Variants in CACNA2D4 observed in about 807,000 individuals in gnomAD.
The protein encoded by CACNA2D4 is voltage-dependent calcium channel subunit alpha-2/delta-4.
CACNA2D4 carries 157 observed loss-of-function variants against 163.8 expected under a neutral mutation model. The observed-to-expected ratio is 0.96, with a 90% CI of 0.84 to 1.09. CACNA2D4 has a LOEUF of 1.09. Among genes scored for constraint, CACNA2D4 ranks in the 50% least tolerant of loss-of-function variants. The probability of loss-of-function intolerance (pLI) is 0.00; values close to 1 mark genes in which losing one functional copy is unlikely to be tolerated. For missense variants in CACNA2D4, 1,410 were observed against 1,479.9 expected (o/e 0.95, Z 0.78); for synonymous variants, 598 against 586.9 (o/e 1.02, Z -0.27).
intron 29 of CACNA2D4, 26 bp downstream of exon 29, chr12:1,810,252 C>T (rs550156732): frequency 1.8e-5 from 28 of 1,595,066 alleles, no homozygotes; most frequent in Non-Finnish European, 2.3e-5. Context: ...CCCTCTCCCC[C>T]TCATTCTATA....
intron 23 of CACNA2D4, among the ~76,000 whole-genome samples, chr12:1,853,629 A>C (rs1166407502): frequency 6.6e-6 from 1 of 152,172 alleles, no homozygotes; most frequent in Non-Finnish European, 1.5e-5. Context: ...AGGATTTCTA[A>C]GGGGCTGGGA....
intron 4 of CACNA2D4, among the ~76,000 whole-genome samples, chr12:1,908,656 G>A (rs1159147548): frequency 6.7e-6 from 1 of 149,570 alleles, no homozygotes; most frequent in Non-Finnish European, 1.5e-5. Context: ...ACTGCCTCAC[G>A]GACATCCCCA....
rs893656659 is a variant in CACNA2D4, at chr12:1,860,016, T to C, written c.1940+129A>G. 1.1e-4 allele frequency: 79 copies of C among 711,674 alleles called. 2 individuals carry two copies. The highest frequency in any genetic ancestry group is 1.7e-5 in the South Asian group (1 of 57,618). 44.1% of individuals were successfully genotyped at this position (711,674 alleles called of 1,614,324 possible). A position where few individuals can be genotyped will look rare whatever the true frequency, so the allele number is the denominator to read the frequency against. On this transcript the variant is annotated intron_variant, in intron 19 of 37. Coordinates refer to ENST00000382722, the MANE Select transcript of CACNA2D4 (RefSeq NM_172364.5). ...TTCTAGGCTACACTGGCAAAGCAGG[T>C]CTACACCTCAAGTTTCCTGGATGCT...
chr12:1,794,155 G>A (rs148206308), intron 37 of CACNA2D4, among the ~76,000 whole-genome samples: 11 of 152,230 alleles, frequency 7.2e-5, no homozygotes, highest in East Asian at 1.9e-4. Flanking sequence ...TCCACGTGAC[G>A]GCCCCCTCAC....
intron 27 of CACNA2D4, among the ~76,000 whole-genome samples, chr12:1,811,294 G>A (rs945463635): frequency 2.0e-5 from 3 of 152,234 alleles, no homozygotes; most frequent in Non-Finnish European, 2.9e-5. Context: ...GCAGAGCTGG[G>A]AATTCTCAGC....
rs1864735381 is a variant in CACNA2D4, at chr12:1,833,822, C to G, written c.2551+6917G>C. Among the ~76,000 whole-genome samples the G allele has an allele frequency of 6.6e-6, 1 of 152,136 alleles. No individual in the cohort carries two copies. Among genetic ancestry groups the G allele is most frequent in the Non-Finnish European group, 1.5e-5 (1 of 68,026 alleles). ...AAGATGCTGTGTTGAGAACGGTATC[C>G]TGGGCTCACAGACAGGTGATGAGCA... is the stretch of plus-strand genomic sequence containing the variant. On this transcript the variant is annotated intron_variant, in intron 26 of 37. Coordinates refer to ENST00000382722, the MANE Select transcript of CACNA2D4 (RefSeq NM_172364.5). The surrounding 1 kb of genome is among the most constrained non-coding windows in gnomAD (Gnocchi z 4.2).
At chr12:1,904,472 C>T (rs1212158310) in intron 6 of CACNA2D4, among the ~76,000 whole-genome samples, 1 of 151,840 alleles carries the variant, frequency 6.6e-6, no homozygotes, top group African/African-American at 2.4e-5. Context: ...CAAAATATCT[C>T]ATATACCCCA....
At chr12:1,884,633 G>A (rs1366666764) in intron 11 of CACNA2D4, 135 bp downstream of exon 11, 1 of 659,268 alleles carries the variant, frequency 1.5e-6, no homozygotes, top group Non-Finnish European at 2.7e-6. Context: ...CAATTAAAAT[G>A]CATCTGAAAG....
At chr12:1,890,040 G>C (rs57768805) in intron 6 of CACNA2D4, among the ~76,000 whole-genome samples, 1 of 152,254 alleles carries the variant, frequency 6.6e-6, no homozygotes, top group East Asian at 1.9e-4. Context: ...AGGATTGGCT[G>C]GGAGCCTCTC....
intron 18 of CACNA2D4, among the ~76,000 whole-genome samples, chr12:1,871,574 T>C (rs961097978): frequency 6.6e-6 from 1 of 151,256 alleles, no homozygotes. Context: ...TGTGTGTACG[T>C]GTGTGTTGCT....
At chr12:1,807,264 G>A (rs1216026200) in intron 29 of CACNA2D4, among the ~76,000 whole-genome samples, 2 of 151,606 alleles carry the variant, frequency 1.3e-5, no homozygotes, top group Non-Finnish European at 2.9e-5. Flanking sequence ...AGCCCTGGAG[G>A]ACCTCAATGC....
chr12:1,866,589 A>G (rs963692152), intron 18 of CACNA2D4, among the ~76,000 whole-genome samples: 1 of 152,178 alleles, frequency 6.6e-6, no homozygotes, highest in African/African-American at 2.4e-5. Flanking sequence ...ATAATAATGA[A>G]ACCTCTGTTT....
In CACNA2D4 at chr12:1,846,690, C is replaced by T. The variant is rs377323654; in HGVS notation, c.2247-1G>A. 5 of 1,593,128 alleles carry T rather than the reference C, an allele frequency of 3.1e-6. No individual in the cohort carries two copies. The highest frequency in any genetic ancestry group is 4.3e-6 in the Non-Finnish European group (5 of 1,172,570). ...CATGTCCACCACGTGTTCAGACTCC[C>T]TGTGTGGCAGACAGAGCGGGAATGG... On this transcript the variant is annotated splice_acceptor_variant, in intron 23 of 37. Transcript: ENST00000382722. LOFTEE classifies it high-confidence loss of function.
intron 26 of CACNA2D4, chr12:1,831,383 C>T (rs532664835): frequency 3.1e-6 from 5 of 1,613,976 alleles, no homozygotes; most frequent in Admixed American, 1.7e-5. Context: ...TCTCGCTTCG[C>T]TCCAACCGTC....
intron 18 of CACNA2D4, among the ~76,000 whole-genome samples, chr12:1,871,080 TTGC>T (rs993637577): frequency 2.0e-5 from 3 of 151,536 alleles, no homozygotes; most frequent in African/African-American, 7.3e-5. Context: ...TACGCACGTG[TTGC>T]TGGTGTGTGT....
At chr12:1,852,830 T>G (rs1865314850) in intron 23 of CACNA2D4, among the ~76,000 whole-genome samples, 1 of 152,174 alleles carries the variant, frequency 6.6e-6, no homozygotes, top group African/African-American at 2.4e-5. Flanking sequence ...TGCTGTTGAT[T>G]CCAGCTCTGC....
In CACNA2D4 at chr12:1,917,560, C is replaced by T. The variant is rs1162747450; in HGVS notation, c.227+687G>A. On this transcript the variant is annotated intron_variant, in intron 1 of 37. Transcript: ENST00000382722. This position sits in a 1 kb window ranked among gnomAD's most constrained non-coding sequence, Gnocchi z 4.3. ...TTGGAAATTTCCTTCCTAGGACCAC[C>T]TGAGCTAGGGCCTAAAACACAGACA... Among the ~76,000 whole-genome samples, 1 of 152,170 alleles carries T rather than the reference C, an allele frequency of 6.6e-6. No homozygotes were observed. The highest frequency in any genetic ancestry group is 1.5e-5 in the Non-Finnish European group (1 of 68,038).
chr12:1,810,917 G>C (rs1368378928), intron 27 of CACNA2D4, among the ~76,000 whole-genome samples: 1 of 152,202 alleles, frequency 6.6e-6, no homozygotes, highest in Non-Finnish European at 1.5e-5. Context: ...GCAGGCCCTG[G>C]GTGGTGGAAG....
At chr12:1,910,352 T>C (rs1350973317) in intron 3 of CACNA2D4, among the ~76,000 whole-genome samples, 1 of 152,236 alleles carries the variant, frequency 6.6e-6, no homozygotes, top group African/African-American at 2.4e-5. Context: ...TTGCACATGT[T>C]TGCAAACCCA....
Sources: gnomAD v4.1 joint callset for allele counts (sites outside exome capture counted in the v4.1 genomes callset) on GRCh38, gnomAD v4.1.1 for gene constraint, Gnocchi (gnomAD v3.1) non-coding constraint, MANE v1.5 for transcripts, NCBI Gene and HGNC (gene_info 2026-07-23, HGNC 2026-07-21) for gene names.